RTTN: variants seen among roughly 807,000 people sequenced by gnomAD.
RTTN encodes the protein rotatin.
RTTN carries 182 observed loss-of-function variants against 269.2 expected under a neutral mutation model. That is an observed-to-expected ratio of 0.68 (90% CI 0.60 to 0.76). RTTN has a LOEUF of 0.76. Ranked by LOEUF, RTTN falls within the 30% of genes least tolerant of loss-of-function variation. The probability of loss-of-function intolerance (pLI) is 0.00; values close to 1 mark genes in which losing one functional copy is unlikely to be tolerated. For missense variants in RTTN, 2,545 were observed against 2,608.6 expected (o/e 0.98, Z 0.53); for synonymous variants, 1,006 against 963.5 (o/e 1.04, Z -0.82).
intron 38 of RTTN, among the ~76,000 whole-genome samples, chr18:70,052,468 C>T (rs2057697969): frequency 6.6e-6 from 1 of 152,106 alleles, no homozygotes; most frequent in Admixed American, 6.5e-5. Context: ...TATATCTGTA[C>T]TTTGTACATA....
chr18:70,100,307 G>C (rs1404637613), intron 28 of RTTN, among the ~76,000 whole-genome samples: 1 of 152,192 alleles, frequency 6.6e-6, no homozygotes, highest in African/African-American at 2.4e-5. Flanking sequence ...TCCCTTGTAA[G>C]TTGGATTCCT....
chr18:70,005,512 CTCT>C (rs2056157198), intron 47 of RTTN: 1 of 369,234 alleles, frequency 2.7e-6, no homozygotes, highest in East Asian at 4.0e-5. Context: ...TTCTTCCCTT[CTCT>C]TTTACTCCTT....
At chr18:70,179,075 G>A (rs1420308565) in intron 10 of RTTN, among the ~76,000 whole-genome samples, 3 of 152,088 alleles carry the variant, frequency 2.0e-5, no homozygotes, top group Admixed American at 1.3e-4. Flanking sequence ...AAACTTCAGT[G>A]TATATTTAAG....
At chr18:70,145,556 T>C in intron 18 of RTTN, 56 bp downstream of exon 18, 2 of 1,288,910 alleles carry the variant, frequency 1.6e-6, no homozygotes, top group South Asian at 1.5e-5. Flanking sequence ...ATAAAATACA[T>C]GATATAAAAA....
chr18:70,174,227 T>C (rs1004552935), intron 11 of RTTN, among the ~76,000 whole-genome samples: 45 of 152,004 alleles, frequency 3.0e-4, no homozygotes, highest in African/African-American at 1.1e-3. Flanking sequence ...ATTTAAGTGT[T>C]CTAGTTAAAC....
At chr18:70,162,650 T>G (rs560708661) in intron 14 of RTTN, among the ~76,000 whole-genome samples, 1 of 151,884 alleles carries the variant, frequency 6.6e-6, no homozygotes, top group East Asian at 1.9e-4. Context: ...TCCAATTACC[T>G]CCTCCCACTG....
At chr18:70,071,476 G>A (rs2058293189) in intron 34 of RTTN, among the ~76,000 whole-genome samples, 1 of 152,170 alleles carries the variant, frequency 6.6e-6, no homozygotes, top group African/African-American at 2.4e-5. Context: ...CTGCACACAG[G>A]TGTGTAAGAG....
chr18:70,042,884 G>A (rs540967409), intron 40 of RTTN, among the ~76,000 whole-genome samples: 25 of 152,272 alleles, frequency 1.6e-4, no homozygotes, highest in Admixed American at 9.8e-4. Flanking sequence ...GAGACGCTAC[G>A]CAAAAATGAA....
chr18:70,017,387 ATGTG>A lies in RTTN; in HGVS notation c.6421+16_6421+19del. The stretch of plus-strand genomic sequence containing the variant: ...TATGAATAACTACATATATAAATGT[ATGTG>A]TGTGTGAAAACTTACCATTAGCCAG... On this transcript the variant is annotated intron_variant, in intron 46 of 48. Coordinates refer to ENST00000640769, the MANE Select transcript of RTTN (RefSeq NM_173630.4). The A allele has an allele frequency of 6.2e-7, 1 of 1,603,116 alleles. No individual in the cohort carries two copies. Among genetic ancestry groups the A allele is most frequent in the South Asian group, 1.1e-5 (1 of 90,518 alleles).
At chr18:70,168,222 T>A (rs1456243746) in intron 12 of RTTN, among the ~76,000 whole-genome samples, 1 of 152,180 alleles carries the variant, frequency 6.6e-6, no homozygotes, top group Non-Finnish European at 1.5e-5. Context: ...TCAGGATCCA[T>A]GTCCTTATTT....
chr18:70,202,622 G>A (rs1047713728), intron 3 of RTTN, among the ~76,000 whole-genome samples: 2 of 152,174 alleles, frequency 1.3e-5, no homozygotes, highest in African/African-American at 4.8e-5. Flanking sequence ...CTTTATTTGT[G>A]ATGTCTTCGA....
chr18:70,147,310 C>T (rs1380062808), intron 17 of RTTN, among the ~76,000 whole-genome samples: 1 of 152,126 alleles, frequency 6.6e-6, no homozygotes, highest in Non-Finnish European at 1.5e-5. Context: ...TTTAGATACA[C>T]AAATGCCACT....
At chr18:70,037,913 A>T (rs1255268164) in intron 40 of RTTN, among the ~76,000 whole-genome samples, 1 of 152,138 alleles carries the variant, frequency 6.6e-6, no homozygotes, top group Non-Finnish European at 1.5e-5. Context: ...GTCTGGCAAC[A>T]TTCGTCACAG....
At position 70,170,958 on chromosome 18, in the gene RTTN, A is replaced by G. The variant is rs922722353; in HGVS notation, c.1477-1891T>C. 1.1e-4 allele frequency among the ~76,000 whole-genome samples: 16 copies of G among 152,234 alleles called. 1 individual carries two copies. Among genetic ancestry groups the G allele is most frequent in the Admixed American group, 5.9e-4 (9 of 15,280 alleles). ...CTGATCAACGATCAACTTGAACAAC[A>G]AAGTTGACATTTACCGAGACAGGCA... is the stretch of plus-strand genomic sequence containing the variant. On this transcript the variant is annotated intron_variant, in intron 11 of 48. Transcript: ENST00000640769.
At chr18:70,044,156 A>C (rs2057424547) in intron 40 of RTTN, among the ~76,000 whole-genome samples, 1 of 152,234 alleles carries the variant, frequency 6.6e-6, no homozygotes, top group South Asian at 2.1e-4. Flanking sequence ...TAGGCTTTTT[A>C]ATTACAGTGA....
chr18:70,048,036 A>G lies in RTTN; in HGVS notation c.5476T>C (p.Ser1826Pro). 1.9e-6 allele frequency: 3 copies of G among 1,614,144 alleles called. No homozygotes were observed. Among genetic ancestry groups the G allele is most frequent in the Non-Finnish European group, 2.5e-6 (3 of 1,179,976 alleles). Residue 1826 changes from serine to proline, a missense_variant, in exon 40 of 49, where the codon TCA becomes CCA. By Grantham distance (74) the Ser-to-Pro change is moderately conservative. Transcript: ENST00000640769. ...TTTTCCTGAGAGTCATCAAGAAGTGAAGCCACTGTTGGACTACAGCATAAA... is the reference window on the plus strand; with the variant it reads ...TTTTCCTGAGAGTCATCAAGAAGTGGAGCCACTGTTGGACTACAGCATAAA... The part of the protein sequence containing the change: ...THLCCSPTVA[S>P]LLDDSQENQK...
intron 28 of RTTN, among the ~76,000 whole-genome samples, chr18:70,098,100 T>C (rs929874304): frequency 6.6e-6 from 1 of 152,220 alleles, no homozygotes; most frequent in African/African-American, 2.4e-5. Flanking sequence ...ATATTTTTTT[T>C]AATTTTTAAA....
chr18:70,179,464 TA>T (rs982499093), intron 10 of RTTN, among the ~76,000 whole-genome samples: 10 of 152,024 alleles, frequency 6.6e-5, no homozygotes, highest in East Asian at 5.8e-4. Flanking sequence ...CTTCTAAGCA[TA>T]AAAAAAATGG....
intron 48 of RTTN, among the ~76,000 whole-genome samples, chr18:70,004,937 G>A (rs1306165158): frequency 1.3e-5 from 2 of 152,168 alleles, no homozygotes; most frequent in African/African-American, 4.8e-5. Flanking sequence ...ACATACTTCA[G>A]CACAGTGGTC....
Sources: gnomAD v4.1 joint callset for allele counts (sites outside exome capture counted in the v4.1 genomes callset) on GRCh38, gnomAD v4.1.1 for gene constraint, MANE v1.5 for transcripts, NCBI Gene and HGNC (gene_info 2026-07-23, HGNC 2026-07-21) for gene names.